Variants in NDST1 observed in about 807,000 individuals in gnomAD.
NDST1 encodes the protein N-deacetylase and N-sulfotransferase 1.
Under a neutral mutation model 92.8 loss-of-function variants are expected in NDST1, and 35 were observed. The observed-to-expected ratio is 0.38, with a 90% CI of 0.29 to 0.50. NDST1 has a LOEUF of 0.50. Ranked by LOEUF, NDST1 falls within the 20% of genes least tolerant of loss-of-function variation. The pLI is 0.94. For missense variants in NDST1, 822 were observed against 1,182.7 expected (o/e 0.69, Z 4.47); for synonymous variants, 493 against 500.3 (o/e 0.99, Z 0.19).
chr5:150,549,584 T>C, intron 12 of NDST1, 94 bp from the exon 13 acceptor site: 2 of 756,416 alleles, frequency 2.6e-6, no homozygotes, highest in South Asian at 2.9e-5. Flanking sequence ...CAGGGTCCCA[T>C]ATTTATAAGC....
chr5:150,539,827 A>T lies in NDST1; in HGVS notation c.1567-255A>T, dbSNP rs967948562. ...CATGCACCCCACCCCTAACATTTAC[A>T]AAATAAAACCCAAATAGCTCCCACA... On this transcript the variant is annotated intron_variant, in intron 7 of 14. Coordinates refer to ENST00000261797, the MANE Select transcript of NDST1 (RefSeq NM_001543.5). 5 of 977,034 alleles carry T rather than the reference A, an allele frequency of 5.1e-6. No homozygotes were observed. The African/African-American group carries it at 8.8e-5, about 17-fold the overall frequency. 60.5% of individuals were successfully genotyped at this position (977,034 alleles called of 1,614,324 possible). A position where few individuals can be genotyped will look rare whatever the true frequency, so the allele number is the denominator to read the frequency against.
At position 150,545,407 on chromosome 5, in the gene NDST1, G is replaced by A. The variant is rs531473286; in HGVS notation, c.2066G>A (p.Arg689Gln). 3.5e-5 allele frequency: 57 copies of A among 1,614,206 alleles called. No individual in the cohort carries two copies. The highest frequency in any genetic ancestry group is 1.6e-4 in the Middle Eastern group (1 of 6,062). The part of the protein sequence containing the change: ...NYFDSEVAPR[R>Q]AAALLPKAKV... The stretch of plus-strand genomic sequence containing the variant: ...TTTGATTCAGAAGTGGCGCCCCGGC[G>A]GGCAGCAGCCCTCTTGCCCAAAGCC... Residue 689 changes from arginine (R) to glutamine (Q), a missense_variant, in exon 11 of 15, where the codon CGG becomes CAG. Physicochemically the swap from Arg to Gln is conservative, Grantham distance 43. Transcript: ENST00000261797.
At chr5:150,524,089 T>C (rs1754362568) in intron 2 of NDST1, among the ~76,000 whole-genome samples, 1 of 152,220 alleles carries the variant, frequency 6.6e-6, no homozygotes, top group African/African-American at 2.4e-5. Context: ...CCCAGGGCAG[T>C]GTGAGAGCAG....
intron 11 of NDST1, 81 bp from the exon 12 acceptor site, chr5:150,548,137 A>G: frequency 5.8e-6 from 9 of 1,557,442 alleles, no homozygotes; most frequent in Non-Finnish European, 7.9e-6. Context: ...TCTTCTGGCC[A>G]CCTTGCGGGC....
intron 1 of NDST1, among the ~76,000 whole-genome samples, chr5:150,515,962 C>G (rs1194252649): frequency 6.7e-6 from 1 of 148,328 alleles, no homozygotes; most frequent in Non-Finnish European, 1.5e-5. Flanking sequence ...TGGCTTCCCC[C>G]CACCCACCCC....
At chr5:150,549,130 G>T (rs1346961037) in intron 12 of NDST1, among the ~76,000 whole-genome samples, 1 of 152,148 alleles carries the variant, frequency 6.6e-6, no homozygotes, top group Non-Finnish European at 1.5e-5. Flanking sequence ...TTCCACCTCA[G>T]CCTCCCAAGT....
At chr5:150,539,083 G>C in intron 6 of NDST1, 145 bp from the exon 7 acceptor site, 1 of 685,978 alleles carries the variant, frequency 1.5e-6, no homozygotes, top group Non-Finnish European at 2.6e-6. Flanking sequence ...CTGTGCTGTA[G>C]GCTGCACCCA....
At chr5:150,542,712 A>G (rs1755299044) in intron 9 of NDST1, 136 bp from the exon 10 acceptor site, 1 of 1,121,534 alleles carries the variant, frequency 8.9e-7, no homozygotes, top group African/African-American at 1.6e-5. Context: ...GCACAGATGA[A>G]GAAGCTAAGA....
At chr5:150,514,560 CAAAAAAAAA>C (rs34675841) in intron 1 of NDST1, among the ~76,000 whole-genome samples, 4 of 55,090 alleles carry the variant, frequency 7.3e-5, no homozygotes, top group South Asian at 6.6e-4. Flanking sequence ...GACTCCGTCT[CAAAAAAAAA>C]AAAAAAAAAA....
intron 11 of NDST1, among the ~76,000 whole-genome samples, chr5:150,547,412 G>T (rs1314036412): frequency 6.6e-6 from 1 of 152,210 alleles, no homozygotes; most frequent in Non-Finnish European, 1.5e-5. Context: ...GCGGCTGGGG[G>T]ATAGTGCCTG....
Position 150,545,374 on chromosome 5 carries a change from C to G in NDST1, c.2033C>G (p.Ala678Gly). The stretch of plus-strand genomic sequence containing the variant: ...TCCGACTTCTACTTTGAGAAAAGCG[C>G]CAACTACTTTGATTCAGAAGTGGCG... The part of the protein sequence containing the change: ...TTSDFYFEKS[A>G]NYFDSEVAPR... The change falls in exon 11 of 15, where the codon GCC becomes GGC. Residue 678 changes from alanine to glycine, a missense_variant. Ala to Gly is a moderately conservative substitution (Grantham distance 60, BLOSUM62 0). Coordinates refer to ENST00000261797, the MANE Select transcript of NDST1 (RefSeq NM_001543.5). 6.2e-7 allele frequency: 1 copy of G among 1,614,248 alleles called. No homozygotes were observed. Among genetic ancestry groups the G allele is most frequent in the Non-Finnish European group, 8.5e-7 (1 of 1,180,052 alleles).
intron 3 of NDST1, among the ~76,000 whole-genome samples, chr5:150,528,654 G>A (rs965313231): frequency 6.6e-6 from 1 of 152,156 alleles, no homozygotes; most frequent in Non-Finnish European, 1.5e-5. Flanking sequence ...AATTAGCCAG[G>A]TGTGGTGGCG....
At chr5:150,531,476 C>T (rs1015950764) in intron 3 of NDST1, among the ~76,000 whole-genome samples, 4 of 150,368 alleles carry the variant, frequency 2.7e-5, no homozygotes, top group African/African-American at 9.7e-5. Flanking sequence ...CTGGCTCTTA[C>T]AGGTTTCTTT....
chr5:150,512,250 T>TG (rs755054183), intron 1 of NDST1, among the ~76,000 whole-genome samples: 2 of 151,650 alleles, frequency 1.3e-5, no homozygotes, highest in Non-Finnish European at 2.9e-5. Context: ...GTGTGTGTGT[T>TG]GGGGGGGCAG....
chr5:150,521,655 C>G lies in NDST1; in HGVS notation c.401C>G (p.Ala134Gly). 1 of 1,614,090 alleles carries G rather than the reference C, an allele frequency of 6.2e-7. No homozygotes were observed. ...TLTDKGRGRF[A>G]LIIYENILKY... is the part of the protein sequence containing the mutation. ...ACTGACAAGGGCCGTGGCCGCTTCG[C>G]CCTCATCATCTATGAGAACATCCTC... The change falls in exon 2 of 15, where the codon GCC becomes GGC. Residue 134 changes from alanine to glycine, a missense_variant. By Grantham distance (60) the Ala-to-Gly change is moderately conservative (BLOSUM62 0). Coordinates refer to ENST00000261797, the MANE Select transcript of NDST1 (RefSeq NM_001543.5). The surrounding 1 kb of genome is among the most constrained non-coding windows in gnomAD (Gnocchi z 5.9).
intron 1 of NDST1, among the ~76,000 whole-genome samples, chr5:150,502,405 A>C (rs534969386): frequency 1.3e-5 from 2 of 152,112 alleles, no homozygotes; most frequent in Non-Finnish European, 2.9e-5. Flanking sequence ...AACTGGAAGG[A>C]CAGTTGGACA....
chr5:150,535,033 T>C lies in NDST1; in HGVS notation c.1251+12T>C. The C allele has an allele frequency of 6.2e-7, 1 of 1,612,812 alleles. No homozygotes were observed. The highest frequency in any genetic ancestry group is 8.5e-7 in the Non-Finnish European group (1 of 1,179,344). Reference sequence around the variant, plus strand: ...AGAAGTTCGCTGTCGTGAGTAAGATTCCTTGCAGGGCAGAGCGGGGCGGGC... The same window carrying C: ...AGAAGTTCGCTGTCGTGAGTAAGATCCCTTGCAGGGCAGAGCGGGGCGGGC... On this transcript the variant is annotated intron_variant, in intron 5 of 14. Transcript: ENST00000261797.
At chr5:150,529,470 CAT>C (rs1754626211) in intron 3 of NDST1, among the ~76,000 whole-genome samples, 1 of 150,234 alleles carries the variant, frequency 6.7e-6, no homozygotes, top group East Asian at 1.9e-4. Context: ...ATTTTACACA[CAT>C]GTGAACTGTC....
At chr5:150,538,926 A>C (rs1755115068) in intron 6 of NDST1, among the ~76,000 whole-genome samples, 1 of 152,234 alleles carries the variant, frequency 6.6e-6, no homozygotes, top group Non-Finnish European at 1.5e-5. Flanking sequence ...GCTGCTTCAG[A>C]GAGGGCCAGG....
Sources: allele counts gnomAD v4.1 joint callset (sites outside exome capture counted in the v4.1 genomes callset), GRCh38; gene constraint gnomAD v4.1.1; non-coding constraint Gnocchi (gnomAD v3.1); transcripts MANE v1.5; gene names NCBI Gene and HGNC (gene_info 2026-07-23, HGNC 2026-07-21).